STK39: variants seen among roughly 807,000 people sequenced by gnomAD.
STK39 encodes the protein serine/threonine kinase 39.
Under a neutral mutation model 77.8 loss-of-function variants are expected in STK39, and 20 were observed. The ratio of observed to expected loss-of-function variants is 0.26; its 90% CI spans 0.18 to 0.37. The LOEUF (loss-of-function observed/expected upper bound fraction) is 0.37. Ranked by LOEUF, STK39 falls within the 10% of genes least tolerant of loss-of-function variation. The pLI is 1.00. For missense variants in STK39, 479 were observed against 656.5 expected (o/e 0.73, Z 2.95); for synonymous variants, 246 against 234.1 (o/e 1.05, Z -0.47).
intron 12 of STK39, among the ~76,000 whole-genome samples, chr2:168,070,274 C>T (rs866888206): frequency 4.1e-4 from 63 of 152,056 alleles, no homozygotes; most frequent in African/African-American, 1.4e-3. Flanking sequence ...AAGTGGAAAT[C>T]AGGCACAGAT....
chr2:168,130,622 T>G (rs546431671), intron 8 of STK39, among the ~76,000 whole-genome samples: 3 of 152,260 alleles, frequency 2.0e-5, no homozygotes, highest in Non-Finnish European at 4.4e-5. Context: ...GGTAATACTT[T>G]GACATTTTAT....
chr2:168,080,630 C>CA (rs200147022), intron 10 of STK39, among the ~76,000 whole-genome samples: 170 of 139,342 alleles, frequency 1.2e-3, no homozygotes, highest in African/African-American at 1.7e-3. Context: ...ACTCCTTCTC[C>CA]AAAAAAAAAA....
At chr2:168,018,528 GA>G (rs1294144505) in intron 14 of STK39, among the ~76,000 whole-genome samples, 5,131 of 81,914 alleles carry the variant, frequency 0.063, 145 homozygotes, top group African/African-American at 0.12. Flanking sequence ...AGAAAAGAAA[GA>G]AAAGAAAGAA....
At chr2:168,132,025 G>C (rs868736826) in intron 8 of STK39, among the ~76,000 whole-genome samples, 28 of 152,140 alleles carry the variant, frequency 1.8e-4, no homozygotes, top group African/African-American at 6.3e-4. Flanking sequence ...GCTGCTCAAC[G>C]GCAAGAGGGG....
rs116203479 is a variant in STK39, at chr2:167,997,020, C to T, written c.1498+15614G>A. On this transcript the variant is annotated intron_variant, in intron 16 of 17. Transcript: ENST00000355999. ...GTAACCCTAGACTTACCTCCAGGCT[C>T]ACTATAAGTGAACTATTTGGTTAGA... 3.9e-3 allele frequency among the ~76,000 whole-genome samples: 589 copies of T among 150,306 alleles called. 4 individuals carry two copies. The highest frequency in any genetic ancestry group is 0.027 in the Middle Eastern group (8 of 294).
At chr2:168,033,966 C>T (rs1168905814) in intron 14 of STK39, among the ~76,000 whole-genome samples, 1 of 152,188 alleles carries the variant, frequency 6.6e-6, no homozygotes, top group East Asian at 1.9e-4. Context: ...AAAACATCAA[C>T]AGCAATATGT....
At chr2:168,003,302 A>G (rs1236999137) in intron 16 of STK39, among the ~76,000 whole-genome samples, 61 of 152,224 alleles carry the variant, frequency 4.0e-4, no homozygotes, top group Non-Finnish European at 2.9e-5. Context: ...TAATTCATCT[A>G]GAAATGGTAG....
intron 14 of STK39, among the ~76,000 whole-genome samples, chr2:168,055,246 A>G (rs1473868515): frequency 6.6e-6 from 1 of 152,242 alleles, no homozygotes; most frequent in Admixed American, 6.5e-5. Flanking sequence ...AAGAATTATA[A>G]TTCCTCCTGA....
chr2:168,124,691 G>A lies in STK39; in HGVS notation c.1089+4850C>T, dbSNP rs190059750. 3.0e-3 allele frequency among the ~76,000 whole-genome samples: 452 copies of A among 152,090 alleles called. 5 individuals are homozygous for A. The highest frequency in any genetic ancestry group is 0.01 in the African/African-American group (420 of 41,470). On this transcript the variant is annotated intron_variant, in intron 10 of 17. Coordinates refer to ENST00000355999, the MANE Select transcript of STK39 (RefSeq NM_013233.3). The stretch of plus-strand genomic sequence containing the variant: ...TGGGATTACAGGTGTGAGCCACTGC[G>A]CCCAACCCATATGTTGGTTTTAGAA...
At chr2:168,247,184 C>T in intron 1 of STK39, 44 bp downstream of exon 1, 1 of 1,142,148 alleles carries the variant, frequency 8.8e-7, no homozygotes, top group East Asian at 4.4e-5. Flanking sequence ...CGCCCGGCCT[C>T]GGCGCCCGGC....
chr2:168,163,619 A>G, intron 4 of STK39, 120 bp downstream of exon 4: 1 of 1,584,992 alleles, frequency 6.3e-7, no homozygotes, highest in African/African-American at 1.4e-5. Context: ...ATCTGAATTT[A>G]AACATCTCTG....
chr2:168,173,157 T>A (rs1356480051), intron 2 of STK39, among the ~76,000 whole-genome samples: 4 of 152,192 alleles, frequency 2.6e-5, no homozygotes, highest in South Asian at 2.1e-4. Flanking sequence ...TGCAATGTAA[T>A]CTATGTATGA....
intron 1 of STK39, among the ~76,000 whole-genome samples, chr2:168,242,597 A>ATC (rs1178293952): frequency 1.5e-5 from 2 of 136,768 alleles, no homozygotes; most frequent in African/African-American, 5.7e-5. Context: ...ATATATATAT[A>ATC]AAGAGGCCAG....
chr2:168,064,424 C>A (rs1685742630), intron 13 of STK39, among the ~76,000 whole-genome samples: 1 of 152,162 alleles, frequency 6.6e-6, no homozygotes, highest in Admixed American at 6.5e-5. Context: ...CGAATCCTGA[C>A]TTGGCCTCTA....
At chr2:168,097,258 G>A (rs1464244690) in intron 10 of STK39, among the ~76,000 whole-genome samples, 1 of 152,242 alleles carries the variant, frequency 6.6e-6, no homozygotes, top group Non-Finnish European at 1.5e-5. Context: ...CAAATGCACA[G>A]TTGACTGTAT....
At chr2:168,239,820 C>A (rs1467317242) in intron 1 of STK39, among the ~76,000 whole-genome samples, 1 of 152,212 alleles carries the variant, frequency 6.6e-6, no homozygotes, top group Non-Finnish European at 1.5e-5. Context: ...AGTGTGACAA[C>A]TGCCAGGGAG....
At chr2:167,956,604 C>T (rs1283287417) in intron 17 of STK39, among the ~76,000 whole-genome samples, 1 of 150,676 alleles carries the variant, frequency 6.6e-6, no homozygotes, top group Non-Finnish European at 1.5e-5. Flanking sequence ...TCAAACCTCT[C>T]ACTGGTCCTA....
At chr2:167,960,378 C>A (rs1250262610) in intron 17 of STK39, among the ~76,000 whole-genome samples, 1 of 149,872 alleles carries the variant, frequency 6.7e-6, no homozygotes, top group Non-Finnish European at 1.5e-5. Flanking sequence ...TTCTTTGGGT[C>A]TTCATTTCTT....
intron 10 of STK39, among the ~76,000 whole-genome samples, chr2:168,116,903 G>C (rs753855216): frequency 6.6e-6 from 1 of 152,162 alleles, no homozygotes; most frequent in Non-Finnish European, 1.5e-5. Flanking sequence ...TCCAAAAGTG[G>C]AGCGTACTAA....
Sources: gnomAD v4.1 joint callset for allele counts (sites outside exome capture counted in the v4.1 genomes callset) on GRCh38, gnomAD v4.1.1 for gene constraint, MANE v1.5 for transcripts, NCBI Gene and HGNC (gene_info 2026-07-23, HGNC 2026-07-21) for gene names.